Variants in PLIN1 observed in about 807,000 individuals in gnomAD.
The protein encoded by PLIN1 is perilipin 1, also known as perilipin-1.
A neutral mutation model predicts 45.8 loss-of-function variants in PLIN1; 37 were observed. The ratio of observed to expected loss-of-function variants is 0.81; its 90% confidence interval spans 0.62 to 1.06. PLIN1 has a LOEUF of 1.06. Ranked by LOEUF, PLIN1 falls within the 50% of genes least tolerant of loss-of-function variation. PLIN1 has a pLI of 0.00. For synonymous variants in PLIN1, 340 were observed against 309.2 expected (o/e 1.10, Z -1.05); for missense variants, 776 against 716.5 (o/e 1.08, Z -0.95).
chr15:89,666,906 C>T (rs1362928903), intron 8 of PLIN1, 30 bp downstream of exon 8: 2 of 1,613,004 alleles, frequency 1.2e-6, no homozygotes, highest in East Asian at 2.2e-5. Context: ...CCCCTTGGGA[C>T]ACTAACAGTT....
intron 1 of PLIN1, 48 bp from the exon 2 acceptor site, chr15:89,677,551 T>C: frequency 6.6e-7 from 1 of 1,504,190 alleles, no homozygotes; most frequent in Admixed American, 1.7e-5. Flanking sequence ...AGGCTTGAGC[T>C]CCACTGGGTC....
chr15:89,674,518 G>A (rs1034668334), intron 2 of PLIN1, among the ~76,000 whole-genome samples: 1 of 152,058 alleles, frequency 6.6e-6, no homozygotes, highest in South Asian at 2.1e-4. Context: ...TGAGATTATA[G>A]GCCTAAGCCA....
Position 89,665,808 on chromosome 15 carries a change from A to T in PLIN1, c.1344T>A (p.Arg448=), listed in dbSNP as rs1357051478. The T allele has an allele frequency of 7.4e-7, 1 of 1,358,824 alleles. No individual in the cohort carries two copies. The highest frequency in any genetic ancestry group is 9.5e-7 in the Non-Finnish European group (1 of 1,055,182). 84.2% of individuals were successfully genotyped at this position (1,358,824 alleles called of 1,614,324 possible). ...GCAGGCTGCGGCGGGGCTGTGCGAG[A>T]CGCGGGGCGGGCTCCGGGCCGGCGG... ...APSAGPEPAP[R]LAQPRRSLRS... The change falls in exon 9 of 9, where the codon CGT becomes CGA. Residue 448 remains arginine (R), a synonymous_variant. Transcript: ENST00000300055.
intron 2 of PLIN1, among the ~76,000 whole-genome samples, chr15:89,674,645 C>A (rs934667447): frequency 6.6e-6 from 1 of 152,164 alleles, no homozygotes; most frequent in South Asian, 2.1e-4. Context: ...GCCTCCACCC[C>A]CCTGTTCCAC....
Position 89,665,952 on chromosome 15 carries a change from C to G in PLIN1, c.1210-10G>C. ...GCGACAGCCTGGGGAGCTGAGGGCC[C>G]GGCAGCCGCCTTAGAGTCCTGGCTT... On this transcript the variant is annotated splice_polypyrimidine_tract_variant and intron_variant, in intron 8 of 8. Transcript: ENST00000300055. The G allele has an allele frequency of 1.3e-6, 2 of 1,485,122 alleles. No homozygotes were observed. Among genetic ancestry groups the G allele is most frequent in the Non-Finnish European group, 1.8e-6 (2 of 1,119,766 alleles). The allele number at this position is 1,485,122 out of a possible 1,614,324, so 92.0% of individuals were successfully genotyped here.
At position 89,671,462 on chromosome 15, in the gene PLIN1, G is replaced by C. The variant is rs749220481; in HGVS notation, c.333+20C>G. The C allele has an allele frequency of 2.3e-5, 35 of 1,525,990 alleles. No individual in the cohort carries two copies. The highest frequency in any genetic ancestry group is 2.9e-5 in the Non-Finnish European group (33 of 1,121,138). 94.5% of individuals were successfully genotyped at this position (1,525,990 alleles called of 1,614,324 possible). On this transcript the variant is annotated intron_variant, in intron 4 of 8. Transcript: ENST00000300055. ...TGACGACAGAGTGCAGGGAGGCTTC[G>C]AGAGGTGGGAAGGGCTCACCTTTTC... is the stretch of plus-strand genomic sequence containing the variant.
At chr15:89,668,257 T>A (rs376284393) in intron 6 of PLIN1, among the ~76,000 whole-genome samples, 1 of 152,234 alleles carries the variant, frequency 6.6e-6, no homozygotes. Context: ...ATGGAAGTAG[T>A]TCCTTCTTTT....
At chr15:89,671,605 C>T in intron 3 of PLIN1, 41 bp from the exon 4 acceptor site, 2 of 1,409,384 alleles carry the variant, frequency 1.4e-6, no homozygotes, top group Non-Finnish European at 2.0e-6. Flanking sequence ...CCTGCCCCTC[C>T]CCATGAGAAT....
chr15:89,672,134 G>A (rs948153075), intron 3 of PLIN1, among the ~76,000 whole-genome samples: 5 of 152,252 alleles, frequency 3.3e-5, no homozygotes, highest in East Asian at 1.9e-4. Context: ...GCCCCAGGCC[G>A]TCCATGCTCT....
chr15:89,678,579 T>C (rs1964554314), intron 1 of PLIN1, among the ~76,000 whole-genome samples: 1 of 151,550 alleles, frequency 6.6e-6, no homozygotes, highest in African/African-American at 2.4e-5. Context: ...AAGTTTTAGA[T>C]AAAATCTTAA....
At chr15:89,669,728 G>T in intron 5 of PLIN1, 56 bp from the exon 6 acceptor site, 3 of 1,508,424 alleles carry the variant, frequency 2.0e-6, no homozygotes, top group Non-Finnish European at 2.7e-6. Flanking sequence ...GGGCCGGAGA[G>T]ATCTGGGTCA....
chr15:89,666,973 G>C lies in PLIN1; in HGVS notation c.1172C>G (p.Thr391Ser). ...CACCACTGTGTCCACCACGTTGTCA[G>C]TAACGCCCTTCAGGGCATCTGATAG... ...MSLSDALKGV[T>S]DNVVDTVVHY... is the part of the protein sequence containing the mutation. Residue 391 changes from threonine (T) to serine (S), a missense_variant, in exon 8 of 9, where the codon ACT becomes AGT. Transcript: ENST00000300055. 6.2e-7 allele frequency: 1 copy of C among 1,614,154 alleles called. No individual in the cohort carries two copies. The highest frequency in any genetic ancestry group is 8.5e-7 in the Non-Finnish European group (1 of 1,179,988).
At position 89,665,803 on chromosome 15, in the gene PLIN1, G is replaced by A; in HGVS notation, c.1349C>T (p.Ala450Val). 1.5e-6 allele frequency: 2 copies of A among 1,352,864 alleles called. No homozygotes were observed. The highest frequency in any genetic ancestry group is 1.9e-6 in the Non-Finnish European group (2 of 1,052,222). 83.8% of individuals were successfully genotyped at this position (1,352,864 alleles called of 1,614,324 possible). ...SAGPEPAPRL[A>V]QPRRSLRSAQ... Reference sequence around the variant, plus strand: ...GCTGCGCAGGCTGCGGCGGGGCTGTGCGAGACGCGGGGCGGGCTCCGGGCC... The same window carrying A: ...GCTGCGCAGGCTGCGGCGGGGCTGTACGAGACGCGGGGCGGGCTCCGGGCC... The change falls in exon 9 of 9, where the codon GCA becomes GTA. Residue 450 changes from alanine (A) to valine (V), a missense_variant. Physicochemically the swap from Ala to Val is moderately conservative, Grantham distance 64. Coordinates refer to ENST00000300055, the MANE Select transcript of PLIN1 (RefSeq NM_002666.5).
In PLIN1 at chr15:89,671,357, C is replaced by T. The variant is rs1255280779; in HGVS notation, c.333+125G>A. On this transcript the variant is annotated intron_variant, in intron 4 of 8. Coordinates refer to ENST00000300055, the MANE Select transcript of PLIN1 (RefSeq NM_002666.5). ...CTTGGGAGCAGGCACTCTCCGCCAG[C>T]CTTGGAGGGTGCTCACCATGGGACA... is the stretch of plus-strand genomic sequence containing the variant. 6.9e-6 allele frequency: 5 copies of T among 719,672 alleles called. No individual in the cohort carries two copies. In the East Asian group the frequency reaches 1.4e-4, roughly 20 times the overall value. 44.6% of individuals were successfully genotyped at this position (719,672 alleles called of 1,614,324 possible).
chr15:89,671,520 C>T lies in PLIN1; in HGVS notation c.295G>A (p.Glu99Lys), dbSNP rs867812769. 3.2e-6 allele frequency: 5 copies of T among 1,576,330 alleles called. No individual in the cohort carries two copies. Among genetic ancestry groups the T allele is most frequent in the Admixed American group, 3.7e-5 (2 of 54,280 alleles). ...ELACRGLDHL[E>K]EKIPALQYPP... The stretch of plus-strand genomic sequence containing the variant: ...TACTGGAGGGCGGGGATCTTTTCCT[C>T]CAGGTGGTCCAAGCCTCGGCAGGCC... The change falls in exon 4 of 9, where the codon GAG becomes AAG. Residue 99 changes from glutamate (E) to lysine (K), a missense_variant. Glu to Lys is a moderately conservative substitution (Grantham distance 56). Transcript: ENST00000300055.
At chr15:89,667,868 C>G in intron 6 of PLIN1, 75 bp from the exon 7 acceptor site, 1 of 1,532,774 alleles carries the variant, frequency 6.5e-7, no homozygotes, top group Non-Finnish European at 8.7e-7. Context: ...AGCCCAAGCC[C>G]CTCGCCCCCA....
intron 2 of PLIN1, among the ~76,000 whole-genome samples, chr15:89,674,523 A>G (rs8179036): frequency 0.96 from 146,374 of 152,160 alleles, 70,684 homozygotes; most frequent in Middle Eastern, 1. Context: ...TTATAGGCCT[A>G]AGCCATTGCG....
intron 2 of PLIN1, among the ~76,000 whole-genome samples, chr15:89,676,086 G>A (rs1444377291): frequency 6.6e-6 from 1 of 152,024 alleles, no homozygotes; most frequent in East Asian, 1.9e-4. Flanking sequence ...CGATGCTCAG[G>A]CTCTCTGTAG....
chr15:89,671,648 T>C, intron 3 of PLIN1, 84 bp from the exon 4 acceptor site: 1 of 1,037,182 alleles, frequency 9.6e-7, no homozygotes, highest in Non-Finnish European at 1.5e-6. Flanking sequence ...GGAAGTGACT[T>C]GGAGCCCTCA....
Sources: allele counts gnomAD v4.1 joint callset (sites outside exome capture counted in the v4.1 genomes callset), GRCh38; gene constraint gnomAD v4.1.1; transcripts MANE v1.5; gene names NCBI Gene and HGNC (gene_info 2026-07-23, HGNC 2026-07-21).